The following LEPR variants were observed in gnomAD, a reference collection of about 807,000 sequenced individuals.
LEPR encodes leptin receptor, also known as OB receptor.
LEPR carries 56 observed loss-of-function variants against 114.7 expected under a neutral mutation model. The observed-to-expected ratio is 0.49, with a 90% confidence interval of 0.39 to 0.61. The LOEUF is 0.61. Ranked by LOEUF, LEPR falls within the 20% of genes least tolerant of loss-of-function variation. LEPR has a pLI of 0.00. For synonymous variants in LEPR, 443 were observed against 461.4 expected, an observed-to-expected ratio of 0.96 and a Z score of 0.51; for missense variants, 1,202 against 1,352.9, an observed-to-expected ratio of 0.89 and a Z score of 1.75.
At chr1:65,585,693 T>A (rs574440212) in intron 5 of LEPR, among the ~76,000 whole-genome samples, 52 of 152,144 alleles carry the variant, frequency 3.4e-4, no homozygotes, top group African/African-American at 1.2e-3. Flanking sequence ...TAAAATATTT[T>A]GTTGCATATA....
intron 2 of LEPR, among the ~76,000 whole-genome samples, chr1:65,498,340 TC>T (rs1294566854): frequency 6.6e-6 from 1 of 152,126 alleles, no homozygotes; most frequent in Non-Finnish European, 1.5e-5. Flanking sequence ...CTGAGGGCTT[TC>T]CCCCTTTTCT....
intron 2 of LEPR, among the ~76,000 whole-genome samples, chr1:65,468,832 A>G (rs1041458759): frequency 2.6e-5 from 4 of 152,220 alleles, no homozygotes; most frequent in African/African-American, 7.2e-5. Context: ...AGTCTAAATG[A>G]GCAAAGCAAG....
intron 2 of LEPR, among the ~76,000 whole-genome samples, chr1:65,501,922 A>G (rs1371097259): frequency 6.6e-6 from 1 of 152,104 alleles, no homozygotes; most frequent in Admixed American, 6.6e-5. Flanking sequence ...TATTTAACAA[A>G]TGTTACTTTT....
chr1:65,533,708 C>T (rs1650562528), intron 2 of LEPR, among the ~76,000 whole-genome samples: 1 of 152,094 alleles, frequency 6.6e-6, no homozygotes, highest in Non-Finnish European at 1.5e-5. Context: ...TCACTAAGAT[C>T]AGTTTAAAAT....
intron 5 of LEPR, among the ~76,000 whole-genome samples, chr1:65,585,728 C>T (rs541585194): frequency 3.3e-4 from 50 of 152,004 alleles, no homozygotes; most frequent in African/African-American, 1.2e-3. Flanking sequence ...TCCAGAAATT[C>T]TTAATGTTTG....
intron 2 of LEPR, among the ~76,000 whole-genome samples, chr1:65,543,455 C>A (rs1266548321): frequency 6.6e-6 from 1 of 151,920 alleles, no homozygotes; most frequent in Non-Finnish European, 1.5e-5. Context: ...TGTGCAGAAG[C>A]TGAGCTGTTT....
At chr1:65,516,491 A>G (rs1197968833) in intron 2 of LEPR, among the ~76,000 whole-genome samples, 2 of 152,140 alleles carry the variant, frequency 1.3e-5, no homozygotes, top group Non-Finnish European at 2.9e-5. Context: ...ACTACTTTCC[A>G]TTGCTAAATG....
intron 15 of LEPR, among the ~76,000 whole-genome samples, chr1:65,617,022 A>T (rs1486349169): frequency 6.6e-6 from 1 of 152,188 alleles, no homozygotes; most frequent in East Asian, 1.9e-4. Context: ...AGTGTTAAGC[A>T]TCGAGTTCCA....
chr1:65,590,270 C>T (rs148241534), intron 5 of LEPR, among the ~76,000 whole-genome samples: 678 of 55,880 alleles, frequency 0.012, 29 homozygotes, highest in Admixed American at 0.091. Flanking sequence ...CCTTATTATC[C>T]TTTTAATATC....
At chr1:65,529,296 G>A (rs1278734411) in intron 2 of LEPR, among the ~76,000 whole-genome samples, 4 of 151,798 alleles carry the variant, frequency 2.6e-5, no homozygotes, top group East Asian at 3.9e-4. Flanking sequence ...TGAGACGGGT[G>A]GATCACAAGG....
intron 5 of LEPR, among the ~76,000 whole-genome samples, chr1:65,591,202 G>A (rs1046441839): frequency 6.6e-6 from 1 of 151,944 alleles, no homozygotes; most frequent in African/African-American, 2.4e-5. Flanking sequence ...TTGTGTGACT[G>A]GAATCCTTTA....
At chr1:65,546,188 C>T (rs953969172) in intron 2 of LEPR, among the ~76,000 whole-genome samples, 16 of 152,266 alleles carry the variant, frequency 1.1e-4, no homozygotes, top group Admixed American at 2.0e-4. Context: ...GGTACCAGTA[C>T]CGTGCTGTTT....
chr1:65,549,687 T>C (rs1312416939), intron 2 of LEPR, among the ~76,000 whole-genome samples: 2 of 152,158 alleles, frequency 1.3e-5, no homozygotes, highest in East Asian at 1.9e-4. Context: ...CACTTCTCTG[T>C]ATTGGTTATT....
At chr1:65,608,697 T>G in intron 11 of LEPR, 56 bp from the exon 12 acceptor site, 1 of 1,548,632 alleles carries the variant, frequency 6.5e-7, no homozygotes, top group Non-Finnish European at 8.8e-7. Context: ...ACAATGTTTT[T>G]AGGCATTATT....
chr1:65,463,005 T>C (rs1045241190), intron 2 of LEPR, among the ~76,000 whole-genome samples: 5 of 152,240 alleles, frequency 3.3e-5, no homozygotes, highest in Admixed American at 2.6e-4. Flanking sequence ...TTTAATTAGA[T>C]ACCATTTGTC....
At chr1:65,434,399 A>G (rs1276903968) in intron 2 of LEPR, 7 of 985,284 alleles carry the variant, frequency 7.1e-6, no homozygotes, top group Non-Finnish European at 8.4e-6. Flanking sequence ...TGCACTTCCA[A>G]AATTGGCCAC....
At chr1:65,508,257 T>G (rs1197596890) in intron 2 of LEPR, among the ~76,000 whole-genome samples, 6 of 152,348 alleles carry the variant, frequency 3.9e-5, no homozygotes, top group South Asian at 4.1e-4. Flanking sequence ...CAAGAAATCA[T>G]TCCCCAGACC....
At position 65,637,244 on chromosome 1, in the gene LEPR, G is replaced by A. The variant is rs747349745; in HGVS notation, c.*229G>A. On this transcript the variant is annotated 3_prime_UTR_variant, in exon 20 of 20. Transcript: ENST00000349533. Reference sequence around the variant, plus strand: ...TCTTCTATTTTATTCCCAAGCTCTAGTGGGAAGGTCCCTTGTTTCCAGCTA... The same window carrying A: ...TCTTCTATTTTATTCCCAAGCTCTAATGGGAAGGTCCCTTGTTTCCAGCTA... 1 of 423,236 alleles carries A rather than the reference G, an allele frequency of 2.4e-6. No homozygotes were observed. Among genetic ancestry groups the A allele is most frequent in the Non-Finnish European group, 4.2e-6 (1 of 236,892 alleles). 26.2% of individuals were successfully genotyped at this position (423,236 alleles called of 1,614,324 possible). A position where few individuals can be genotyped will look rare whatever the true frequency, so the allele number is the denominator to read the frequency against.
chr1:65,525,708 G>A lies in LEPR; in HGVS notation c.-20-39838G>A, dbSNP rs1047436593. On this transcript the variant is annotated intron_variant, in intron 2 of 19. Coordinates refer to ENST00000349533, the MANE Select transcript of LEPR (RefSeq NM_002303.6). ...CCCCGCACCTTGGGCGAGGAGTTCG[G>A]AGCGGCCCCATCGCAGAGCCCACGG... 4.3e-5 allele frequency: 42 copies of A among 985,630 alleles called. No individual in the cohort carries two copies. In the African/African-American group the frequency reaches 7.2e-4, roughly 17 times the overall value. The allele number at this position is 985,630 out of a possible 1,614,324, so 61.1% of individuals were successfully genotyped here. A position where few individuals can be genotyped will look rare whatever the true frequency, so the allele number is the denominator to read the frequency against.
Sources: allele counts gnomAD v4.1 joint callset (sites outside exome capture counted in the v4.1 genomes callset), GRCh38; gene constraint gnomAD v4.1.1; transcripts MANE v1.5; gene names NCBI Gene and HGNC (gene_info 2026-07-23, HGNC 2026-07-21).